Variants in DNAH3 observed in about 807,000 individuals in gnomAD.
DNAH3 encodes axonemal beta dynein heavy chain 3.
Under a neutral mutation model 432.5 loss-of-function variants are expected in DNAH3, and 332 were observed. The observed-to-expected ratio is 0.77, with a 90% CI of 0.70 to 0.84. The LOEUF is 0.84. DNAH3 is among the 40% of genes least tolerant of loss of function. DNAH3 has a pLI of 0.00. For synonymous variants in DNAH3, 1,956 were observed against 1,900.2 expected (o/e 1.03, Z -0.76); for missense variants, 4,861 against 5,114.0 (o/e 0.95, Z 1.51).
intron 39 of DNAH3, 85 bp from the exon 40 acceptor site, chr16:21,022,185 A>G (rs150923864): frequency 2.7e-6 from 4 of 1,455,630 alleles, no homozygotes; most frequent in Non-Finnish European, 3.8e-6. Flanking sequence ...TTGTGAGGCT[A>G]GAGATGCTGG....
intron 36 of DNAH3, among the ~76,000 whole-genome samples, chr16:21,031,765 C>G (rs926347767): frequency 6.6e-6 from 1 of 152,220 alleles, no homozygotes; most frequent in Non-Finnish European, 1.5e-5. Flanking sequence ...CAGTGGCTCA[C>G]GCCTGTAATC....
At chr16:21,124,177 G>A (rs561974238) in intron 9 of DNAH3, among the ~76,000 whole-genome samples, 1 of 152,270 alleles carries the variant, frequency 6.6e-6, no homozygotes, top group South Asian at 2.1e-4. Context: ...TTTGTCTTTA[G>A]AGGTGCCCCT....
intron 41 of DNAH3, among the ~76,000 whole-genome samples, chr16:21,007,168 A>G (rs2087347008): frequency 6.6e-6 from 1 of 151,460 alleles, no homozygotes; most frequent in African/African-American, 2.4e-5. Flanking sequence ...GATGGCTAAT[A>G]ACATTGAGCA....
chr16:21,053,702 G>A (rs1478641985), intron 28 of DNAH3, among the ~76,000 whole-genome samples: 1 of 152,150 alleles, frequency 6.6e-6, no homozygotes, highest in Admixed American at 6.5e-5. Context: ...GAAATGCCAG[G>A]AGGGAGCTGG....
intron 3 of DNAH3, 88 bp downstream of exon 4, chr16:21,145,093 C>G: frequency 8.5e-7 from 1 of 1,183,364 alleles, no homozygotes; most frequent in South Asian, 1.4e-5. Context: ...GCCTGGGCGA[C>G]AGAGTGAGAC....
chr16:20,982,820 C>T, exon 49 of DNAH3: 1 of 1,614,072 alleles, frequency 6.2e-7, no homozygotes, highest in Non-Finnish European at 8.5e-7. Context: ...ATCAATCGTA[C>T]AGCAATTGAT....
exon 49 of DNAH3, chr16:20,982,724 A>T: frequency 6.2e-7 from 1 of 1,613,656 alleles, no homozygotes; most frequent in Non-Finnish European, 8.5e-7. Context: ...CACTTACTCT[A>T]CCCGAATGTT....
chr16:21,136,217 C>T, intron 6 of DNAH3, 107 bp downstream of exon 7: 2 of 1,102,300 alleles, frequency 1.8e-6, no homozygotes, highest in Admixed American at 2.2e-5. Flanking sequence ...AGTTCCAGAC[C>T]AGCCTGAGCA....
intron 12 of DNAH3, among the ~76,000 whole-genome samples, chr16:21,116,618 C>G (rs768893636): frequency 1.3e-5 from 2 of 152,124 alleles, no homozygotes; most frequent in Non-Finnish European, 2.9e-5. Context: ...ACGGACTATA[C>G]ATAGTGACTG....
chr16:20,964,668 T>A (rs755553915), exon 53 of DNAH3: 1 of 1,614,194 alleles, frequency 6.2e-7, no homozygotes, highest in East Asian at 2.2e-5. Context: ...TGGAATTGGA[T>A]ACAATGATGC....
At chr16:20,964,732 A>C in exon 53 of DNAH3, 2 of 1,614,068 alleles carry the variant, frequency 1.2e-6, no homozygotes, top group Non-Finnish European at 1.7e-6. Flanking sequence ...CCAGGCACGG[A>C]TTTTTATGGG....
chr16:21,125,499 T>A (rs2092430052), intron 8 of DNAH3, 129 bp from the exon 10 acceptor site: 6 of 618,326 alleles, frequency 9.7e-6, no homozygotes, highest in Non-Finnish European at 1.5e-5. Flanking sequence ...TGCAAATCAG[T>A]ACTTTCAATT....
intron 59 of DNAH3, among the ~76,000 whole-genome samples, chr16:20,937,695 A>AT (rs1275910470): frequency 7.3e-5 from 11 of 150,278 alleles, no homozygotes; most frequent in South Asian, 2.1e-4. Flanking sequence ...TGCCCACCTG[A>AT]TTTTTTTTTA....
At chr16:20,944,537 T>G in exon 58 of DNAH3, 1 of 1,613,802 alleles carries the variant, frequency 6.2e-7, no homozygotes. Flanking sequence ...CTAGGGAGGG[T>G]CAGCAGGACC....
chr16:20,936,166 C>T (rs28654350), intron 60 of DNAH3, among the ~76,000 whole-genome samples: 62,042 of 113,868 alleles, frequency 0.54, 12,967 homozygotes, highest in Non-Finnish European at 0.59. Context: ...CATTTTTTTT[C>T]TTTTTAGACG....
exon 51 of DNAH3, chr16:20,975,361 A>C (rs530996873): frequency 1.2e-6 from 2 of 1,614,000 alleles, no homozygotes; most frequent in Admixed American, 3.3e-5. Flanking sequence ...GTTTCCTCGG[A>C]GGTGAGGATG....
At chr16:21,106,533 T>G (rs1444733541) in exon 15 of DNAH3, 1 of 1,612,072 alleles carries the variant, frequency 6.2e-7, no homozygotes, top group South Asian at 1.1e-5. Flanking sequence ...GCCGTTCACT[T>G]GCATCTCTAA....
chr16:21,106,480 T>C lies in DNAH3; in HGVS notation c.2284+10A>G, dbSNP rs759255670. On this transcript the variant is annotated intron_variant, in intron 15 of 61. Coordinates refer to ENST00000261383, the Ensembl canonical transcript of DNAH3. ...TGCATTTCGATGGTCACACATGGCA[T>C]TGGACTTACACGGCAAGTCTGCATA... is the stretch of plus-strand genomic sequence containing the variant. 3.8e-6 allele frequency: 6 copies of C among 1,577,102 alleles called. No homozygotes were observed. The highest frequency in any genetic ancestry group is 2.2e-5 in the East Asian group (1 of 44,448).
chr16:20,982,052 G>A (rs1169440963), intron 49 of DNAH3, among the ~76,000 whole-genome samples: 1 of 148,748 alleles, frequency 6.7e-6, no homozygotes, highest in Non-Finnish European at 1.5e-5. Flanking sequence ...ATATATATAT[G>A]TGCTTTATAC....
Sources: gnomAD v4.1 joint callset for allele counts (sites outside exome capture counted in the v4.1 genomes callset) on GRCh38, gnomAD v4.1.1 for gene constraint, MANE v1.5 for transcripts, NCBI Gene and HGNC (gene_info 2026-07-23, HGNC 2026-07-21) for gene names.